Variants in FER1L6 observed in about 807,000 individuals in gnomAD.
FER1L6 encodes fer-1 like family member 6.
In FER1L6, 177 loss-of-function variants were observed where a neutral mutation model predicts 219.2. That is an observed-to-expected ratio of 0.81 (90% CI 0.71 to 0.91). FER1L6 has a LOEUF of 0.91. Among genes scored for constraint, FER1L6 ranks in the 40% least tolerant of loss-of-function variants. FER1L6 has a pLI of 0.00. For synonymous variants in FER1L6, 768 were observed against 824.3 expected (o/e 0.93, Z 1.17); for missense variants, 2,153 against 2,259.9 (o/e 0.95, Z 0.96).
At position 123,966,161 on chromosome 8, in the gene FER1L6, T is replaced by C; in HGVS notation, c.255T>C (p.Ile85=). The C allele has an allele frequency of 6.2e-7, 1 of 1,614,012 alleles. No individual in the cohort carries two copies. Among genetic ancestry groups the C allele is most frequent in the Non-Finnish European group, 8.5e-7 (1 of 1,179,966 alleles). Reference sequence around the variant, plus strand: ...GTCCACACTGCTTTGTGTTGCAGATTGCCATAACCATCACCGAGGCTCGCC... The same window carrying C: ...GTCCACACTGCTTTGTGTTGCAGATCGCCATAACCATCACCGAGGCTCGCC... ...DGEVRSQNYQ[I]AITITEARQL... is the part of the protein sequence containing the mutation. The change falls in exon 5 of 41, where the codon ATT becomes ATC. Residue 85 remains isoleucine, a splice_region_variant and synonymous_variant. Coordinates refer to ENST00000522917, the MANE Select transcript of FER1L6 (RefSeq NM_001039112.2).
At chr8:123,946,337 G>A (rs967411099) in intron 1 of FER1L6, among the ~76,000 whole-genome samples, 4 of 152,108 alleles carry the variant, frequency 2.6e-5, no homozygotes, top group Non-Finnish European at 4.4e-5. Context: ...CTGCAACCTC[G>A]GCCTCCTGGG....
intron 21 of FER1L6, chr8:124,047,502 G>C (rs889742363): frequency 1.7e-4 from 26 of 152,188 alleles, no homozygotes; most frequent in African/African-American, 6.3e-4. Flanking sequence ...AGTAAAAAAG[G>C]ATATTAAAAT....
rs760962573 is a variant in FER1L6, at chr8:123,914,160, G to A, written c.-7-41832G>A. Among the ~76,000 whole-genome samples the A allele has an allele frequency of 1.3e-3, 194 of 152,180 alleles. 2 individuals carry two copies. Among genetic ancestry groups the A allele is most frequent in the Non-Finnish European group, 1.1e-3 (77 of 68,024 alleles). ...TGTTCAGTAGTCACATAGATTGGTG[G>A]CTACCATATTGGACAGTGTAGATAA... On this transcript the variant is annotated intron_variant, in intron 1 of 40. Transcript: ENST00000522917.
intron 24 of FER1L6, among the ~76,000 whole-genome samples, chr8:124,061,122 A>T (rs988741084): frequency 2.0e-4 from 31 of 152,374 alleles, no homozygotes; most frequent in African/African-American, 7.5e-4. Context: ...CCACTGGCCT[A>T]GAAAATACTG....
In FER1L6 at chr8:124,060,585, A is replaced by G; in HGVS notation, c.3023A>G (p.Gln1008Arg). 1 of 1,613,670 alleles carries G rather than the reference A, an allele frequency of 6.2e-7. No individual in the cohort carries two copies. The change falls in exon 24 of 41, where the codon CAG (glutamine) becomes CGG (arginine). Residue 1008 changes from glutamine to arginine, a missense_variant. Transcript: ENST00000522917. Reference sequence around the variant, plus strand: ...GGAGTTCGGGAAATGAAGAAGGTGCAGCTCCTCTCTGTGGATCGGCCTCAG... The same window carrying G: ...GGAGTTCGGGAAATGAAGAAGGTGCGGCTCCTCTCTGTGGATCGGCCTCAG... The part of the protein sequence containing the change: ...FWGVREMKKV[Q>R]LLSVDRPQAL...
rs1287902262 is a variant in FER1L6, at chr8:124,069,448, T to C, written c.3807T>C (p.Asp1269=). The C allele has an allele frequency of 9.9e-6, 16 of 1,610,456 alleles. No individual in the cohort carries two copies. The highest frequency in any genetic ancestry group is 1.7e-4 in the Middle Eastern group (1 of 6,048). The change falls in exon 29 of 41, where the codon GAT becomes GAC. Residue 1269 remains aspartate, a synonymous_variant. Coordinates refer to ENST00000522917, the MANE Select transcript of FER1L6 (RefSeq NM_001039112.2). ...DKMLKKKPKD[D]GIPNLAILQI... is the part of the protein sequence containing the mutation. ...TGCTCAAGAAGAAACCCAAAGATGATGGAATCCCCAACCTGGCCATCTTGC... is the reference window on the plus strand; with the variant it reads ...TGCTCAAGAAGAAACCCAAAGATGACGGAATCCCCAACCTGGCCATCTTGC...
chr8:123,950,671 T>G (rs1563702438), intron 1 of FER1L6, among the ~76,000 whole-genome samples: 1 of 152,166 alleles, frequency 6.6e-6, no homozygotes. Flanking sequence ...GTTGTGATAT[T>G]TGAATCTCAT....
At chr8:124,016,718 T>C (rs1016396971) in intron 15 of FER1L6, among the ~76,000 whole-genome samples, 1 of 152,232 alleles carries the variant, frequency 6.6e-6, no homozygotes, top group Non-Finnish European at 1.5e-5. Context: ...ATATCCTGAA[T>C]ATTCAATTGC....
At chr8:123,858,929 T>C (rs1470126955) in intron 1 of FER1L6, among the ~76,000 whole-genome samples, 3 of 152,338 alleles carry the variant, frequency 2.0e-5, no homozygotes, top group East Asian at 1.9e-4. Context: ...TTAAAAAATG[T>C]TTTTAAAAAA....
chr8:124,063,594 A>C (rs1177576968), intron 25 of FER1L6, among the ~76,000 whole-genome samples: 1 of 152,200 alleles, frequency 6.6e-6, no homozygotes, highest in Non-Finnish European at 1.5e-5. Context: ...GTTGTCATAC[A>C]TCCCCTGTCC....
At chr8:123,934,163 G>T (rs931116310) in intron 1 of FER1L6, among the ~76,000 whole-genome samples, 1 of 152,170 alleles carries the variant, frequency 6.6e-6, no homozygotes, top group Non-Finnish European at 1.5e-5. Context: ...CAGGCTGCTG[G>T]AGTGCAGTGG....
chr8:124,056,241 T>A (rs1001806178), intron 22 of FER1L6, among the ~76,000 whole-genome samples: 7 of 152,206 alleles, frequency 4.6e-5, no homozygotes, highest in Non-Finnish European at 1.0e-4. Flanking sequence ...TTCCTAGAAA[T>A]ATCTCAGCCT....
chr8:123,993,239 G>C (rs1277849038), intron 12 of FER1L6, among the ~76,000 whole-genome samples: 1 of 151,756 alleles, frequency 6.6e-6, no homozygotes, highest in Non-Finnish European at 1.5e-5. Flanking sequence ...TCAGGAGATC[G>C]AGACCATCCC....
intron 12 of FER1L6, among the ~76,000 whole-genome samples, chr8:124,002,503 A>C (rs1817459594): frequency 1.3e-5 from 2 of 152,358 alleles, no homozygotes; most frequent in African/African-American, 4.8e-5. Context: ...AAAAGAGAGG[A>C]ATGTTCATCT....
At chr8:123,984,043 C>T (rs955006228) in intron 11 of FER1L6, 1 of 152,186 alleles carries the variant, frequency 6.6e-6, no homozygotes, top group Non-Finnish European at 1.5e-5. Flanking sequence ...AGATGTGCTT[C>T]CAGAATGGAA....
Position 124,105,670 on chromosome 8 carries a change from G to T in FER1L6, c.5289+2361G>T, listed in dbSNP as rs920767763. On this transcript the variant is annotated intron_variant, in intron 39 of 40. Transcript: ENST00000522917. ...GCCCATTGGACTTAACGGCATGGAG[G>T]TTCCCGGTGACCTTTTAAAAAGCAG... 2.6e-5 allele frequency among the ~76,000 whole-genome samples: 4 copies of T among 152,192 alleles called. 1 individual carries two copies. The highest frequency in any genetic ancestry group is 5.9e-5 in the Non-Finnish European group (4 of 68,030).
intron 16 of FER1L6, among the ~76,000 whole-genome samples, chr8:124,020,017 C>G (rs1818386604): frequency 6.6e-6 from 1 of 152,136 alleles, no homozygotes; most frequent in Admixed American, 6.5e-5. Context: ...ATCTTGAGCT[C>G]TCACGTGTTG....
intron 34 of FER1L6, 123 bp from the exon 35 acceptor site, chr8:124,094,773 C>A: frequency 9.1e-7 from 1 of 1,101,504 alleles, no homozygotes; most frequent in Non-Finnish European, 1.4e-6. Flanking sequence ...AGGTGTGAAC[C>A]ACTGCACCCA....
At chr8:123,904,338 C>A (rs1476463786) in intron 1 of FER1L6, among the ~76,000 whole-genome samples, 1 of 149,854 alleles carries the variant, frequency 6.7e-6, no homozygotes, top group East Asian at 2.0e-4. Context: ...GGTTGGAAAG[C>A]ATCTAGCACT....
Sources: allele counts gnomAD v4.1 joint callset (sites outside exome capture counted in the v4.1 genomes callset), GRCh38; gene constraint gnomAD v4.1.1; transcripts MANE v1.5; gene names NCBI Gene and HGNC (gene_info 2026-07-23, HGNC 2026-07-21).